The following CHST8 variants were observed in gnomAD, a reference collection of about 807,000 sequenced individuals.
CHST8 encodes the protein carbohydrate sulfotransferase 8.
In CHST8, 10 loss-of-function variants were observed where a neutral mutation model predicts 15.0. That is an observed-to-expected ratio of 0.67 (90% CI 0.41 to 1.13). CHST8 has a LOEUF of 1.13. Ranked by LOEUF, CHST8 falls within the 50% of genes most tolerant of loss-of-function variation. The pLI is 0.00. For synonymous variants in CHST8, 259 were observed against 256.6 expected (o/e 1.01, Z -0.09); for missense variants, 634 against 608.2 (o/e 1.04, Z -0.45).
intron 1 of CHST8, among the ~76,000 whole-genome samples, chr19:33,622,667 C>G (rs1044109458): frequency 2.6e-5 from 4 of 152,116 alleles, no homozygotes; most frequent in Admixed American, 6.5e-5. Flanking sequence ...CAGCGAGCGC[C>G]GAGGGCCAGG....
At chr19:33,734,891 C>T (rs114808678) in intron 3 of CHST8, among the ~76,000 whole-genome samples, 4,215 of 152,222 alleles carry the variant, frequency 0.028, 189 homozygotes, top group African/African-American at 0.096. Flanking sequence ...CAGCTTGGTC[C>T]CTGAAACATC....
chr19:33,747,628 A>T (rs1974338745), intron 3 of CHST8, among the ~76,000 whole-genome samples: 1 of 152,088 alleles, frequency 6.6e-6, no homozygotes. Context: ...CTGTGAAGTG[A>T]TTACCCCGGC....
intron 2 of CHST8, among the ~76,000 whole-genome samples, chr19:33,672,578 T>A (rs1427980284): frequency 6.6e-6 from 1 of 152,164 alleles, no homozygotes; most frequent in Non-Finnish European, 1.5e-5. Context: ...CAGATGTGTT[T>A]GCGATGGGGG....
intron 1 of CHST8, among the ~76,000 whole-genome samples, chr19:33,633,775 G>A (rs964136301): frequency 1.4e-3 from 2 of 1,406 alleles, no homozygotes; most frequent in Non-Finnish European, 4.3e-3. Flanking sequence ...TTTCTTTTTC[G>A]TGTGTGTGTG....
At chr19:33,703,292 C>A (rs1369764269) in intron 3 of CHST8, among the ~76,000 whole-genome samples, 1 of 152,188 alleles carries the variant, frequency 6.6e-6, no homozygotes, top group African/African-American at 2.4e-5. Flanking sequence ...TGAAGAAGGG[C>A]CCGGTGGGGT....
intron 3 of CHST8, among the ~76,000 whole-genome samples, chr19:33,706,322 A>G (rs1044470658): frequency 2.0e-5 from 3 of 152,146 alleles, no homozygotes; most frequent in Admixed American, 2.0e-4. Flanking sequence ...GTGTGTCCTG[A>G]TGAAGAGTCA....
intron 3 of CHST8, among the ~76,000 whole-genome samples, chr19:33,745,214 C>A (rs1396312014): frequency 1.3e-5 from 2 of 152,204 alleles, no homozygotes; most frequent in African/African-American, 4.8e-5. Flanking sequence ...GACCTGTCCT[C>A]TTGCTGGAGG....
chr19:33,689,254 A>G lies in CHST8; in HGVS notation c.-8A>G, dbSNP rs369311934. 3 of 1,569,634 alleles carry G rather than the reference A, an allele frequency of 1.9e-6. No individual in the cohort carries two copies. In the African/African-American group the frequency reaches 4.1e-5, roughly 21 times the overall value. ...ACACCCAAGAGGTGACCCCTGAGCCAGCCCCGGATGACCCTGCGACCTGGA... is the reference window on the plus strand; with the variant it reads ...ACACCCAAGAGGTGACCCCTGAGCCGGCCCCGGATGACCCTGCGACCTGGA... On this transcript the variant is annotated 5_prime_UTR_variant, in exon 3 of 5. Transcript: ENST00000650847.
intron 1 of CHST8, among the ~76,000 whole-genome samples, chr19:33,650,765 TA>T (rs1361327285): frequency 6.6e-6 from 1 of 151,734 alleles, no homozygotes; most frequent in African/African-American, 2.4e-5. Flanking sequence ...TGGAGTTCAG[TA>T]GTGTGATTTT....
intron 1 of CHST8, among the ~76,000 whole-genome samples, chr19:33,648,070 T>C (rs1972376500): frequency 6.6e-6 from 1 of 151,876 alleles, no homozygotes. Context: ...GCTTAGAGTA[T>C]TGGAGCTGGT....
intron 3 of CHST8, among the ~76,000 whole-genome samples, chr19:33,755,338 T>C (rs1268562597): frequency 6.6e-6 from 1 of 152,226 alleles, no homozygotes; most frequent in African/African-American, 2.4e-5. Context: ...GCAGCCGTCG[T>C]AAGCATCCCC....
intron 3 of CHST8, among the ~76,000 whole-genome samples, chr19:33,711,111 A>G (rs1019281618): frequency 6.6e-6 from 1 of 152,158 alleles, no homozygotes; most frequent in Non-Finnish European, 1.5e-5. Flanking sequence ...ATATCAAGCA[A>G]TCTTCCTGCC....
intron 1 of CHST8, among the ~76,000 whole-genome samples, chr19:33,639,318 G>T (rs1436564784): frequency 6.6e-6 from 1 of 152,064 alleles, no homozygotes; most frequent in Non-Finnish European, 1.5e-5. Context: ...GAGTTACAGC[G>T]CTCGAGGATG....
At chr19:33,738,672 C>A (rs1455362821) in intron 3 of CHST8, among the ~76,000 whole-genome samples, 1 of 152,162 alleles carries the variant, frequency 6.6e-6, no homozygotes, top group Non-Finnish European at 1.5e-5. Context: ...TCACTGCAAC[C>A]TCCGCCTCCA....
At chr19:33,759,557 GAGCC>G (rs201259102) in intron 3 of CHST8, among the ~76,000 whole-genome samples, 100 of 152,268 alleles carry the variant, frequency 6.6e-4, no homozygotes, top group African/African-American at 2.2e-3. Context: ...TGGCCCAGAA[GAGCC>G]ACAGGTGGCT....
At chr19:33,657,148 CACACACACAA>C (rs1386707577) in intron 1 of CHST8, among the ~76,000 whole-genome samples, 1,583 of 150,832 alleles carry the variant, frequency 0.01, 23 homozygotes, top group African/African-American at 0.035. Flanking sequence ...CACACACACA[CACACACACAA>C]ACACACATAT....
intron 3 of CHST8, among the ~76,000 whole-genome samples, chr19:33,707,657 A>G (rs1973472999): frequency 6.6e-6 from 1 of 152,204 alleles, no homozygotes; most frequent in South Asian, 2.1e-4. Flanking sequence ...TCTGTTCACC[A>G]GCTGCTGGAT....
intron 1 of CHST8, among the ~76,000 whole-genome samples, chr19:33,666,403 G>A (rs1471854450): frequency 6.6e-6 from 1 of 152,220 alleles, no homozygotes; most frequent in Non-Finnish European, 1.5e-5. Context: ...TGTCTGCCTC[G>A]CGTTTCTAGA....
chr19:33,709,320 C>G (rs1973504900), intron 3 of CHST8, among the ~76,000 whole-genome samples: 2 of 152,164 alleles, frequency 1.3e-5, no homozygotes, highest in African/African-American at 4.8e-5. Context: ...AACATTCCAT[C>G]TTTCACCAAT....
Sources: allele counts gnomAD v4.1 joint callset (sites outside exome capture counted in the v4.1 genomes callset), GRCh38; gene constraint gnomAD v4.1.1; transcripts MANE v1.5; gene names NCBI Gene and HGNC (gene_info 2026-07-23, HGNC 2026-07-21).